RAB8B: variants seen among roughly 807,000 people sequenced by gnomAD.
RAB8B encodes the protein ras-related protein Rab-8B.
Under a neutral mutation model 32.0 loss-of-function variants are expected in RAB8B, and 11 were observed. The observed-to-expected ratio is 0.34, with a 90% CI of 0.22 to 0.57. The LOEUF is 0.57. Ranked by LOEUF, RAB8B falls within the 20% of genes least tolerant of loss-of-function variation. The pLI, the probability that RAB8B is intolerant of heterozygous loss-of-function variation, is 0.86. For synonymous variants in RAB8B, 103 were observed against 89.6 expected (o/e 1.15, Z -0.85); for missense variants, 190 against 258.5 (o/e 0.73, Z 1.82).
chr15:63,233,465 T>C (rs981611580), intron 1 of RAB8B, among the ~76,000 whole-genome samples: 2 of 152,230 alleles, frequency 1.3e-5, no homozygotes, highest in African/African-American at 4.8e-5. Flanking sequence ...ATGACTCATT[T>C]TTTATTTCAG....
chr15:63,259,620 T>G lies in RAB8B; in HGVS notation c.415-7T>G. The G allele has an allele frequency of 6.2e-7, 1 of 1,611,302 alleles. No homozygotes were observed. Among genetic ancestry groups the G allele is most frequent in the East Asian group, 2.2e-5 (1 of 44,860 alleles). ...GCTAAATTTAAATATTTCTGTTTAC[T>G]TTTCAGCTAGCAATTGACTATGGGA... On this transcript the variant is annotated splice_polypyrimidine_tract_variant and splice_region_variant and intron_variant, in intron 5 of 7. Coordinates refer to ENST00000321437, the MANE Select transcript of RAB8B (RefSeq NM_016530.3). The surrounding 1 kb of genome is among the most constrained non-coding windows in gnomAD (Gnocchi z 4.4).
At chr15:63,208,443 T>C (rs1201318036) in intron 1 of RAB8B, among the ~76,000 whole-genome samples, 1 of 152,210 alleles carries the variant, frequency 6.6e-6, no homozygotes, top group Non-Finnish European at 1.5e-5. Flanking sequence ...GAAAAAACGA[T>C]TGTAATAGAA....
At chr15:63,231,254 G>A (rs947377134) in intron 1 of RAB8B, among the ~76,000 whole-genome samples, 2 of 152,132 alleles carry the variant, frequency 1.3e-5, no homozygotes, top group Middle Eastern at 3.2e-3. Context: ...GTTGTACTAT[G>A]TAGTGTTATT....
intron 3 of RAB8B, among the ~76,000 whole-genome samples, chr15:63,250,977 C>G (rs537173660): frequency 1.3e-5 from 2 of 151,756 alleles, no homozygotes; most frequent in African/African-American, 4.8e-5. Context: ...ACCCACAGAT[C>G]CCCTCACTGA....
intron 2 of RAB8B, among the ~76,000 whole-genome samples, chr15:63,247,771 G>A (rs1263358197): frequency 2.0e-5 from 3 of 152,174 alleles, no homozygotes; most frequent in Non-Finnish European, 4.4e-5. Context: ...ATATCCCCCA[G>A]CTCTTCTTTT....
In RAB8B at chr15:63,251,401, A is replaced by G. The variant is rs182121773; in HGVS notation, c.246+1696A>G. The G allele has an allele frequency of 3.4e-5, 15 of 440,506 alleles. No individual in the cohort carries two copies. The East Asian group carries it at 5.7e-4, about 17-fold the overall frequency. The allele number at this position is 440,506 out of a possible 1,614,324, so 27.3% of individuals were successfully genotyped here. A position where few individuals can be genotyped will look rare whatever the true frequency, so the allele number is the denominator to read the frequency against. ...GCCTTTCTGTTGAGCAGTTTTTTGC[A>G]TGCTAGGAATGATGTGCTGACACCA... On this transcript the variant is annotated intron_variant, in intron 3 of 7. Coordinates refer to ENST00000321437, the MANE Select transcript of RAB8B (RefSeq NM_016530.3).
chr15:63,257,528 A>G (rs1400545088), intron 5 of RAB8B, among the ~76,000 whole-genome samples: 2 of 151,962 alleles, frequency 1.3e-5, no homozygotes, highest in Non-Finnish European at 2.9e-5. Context: ...CGGCCTCCCA[A>G]AGTGCTGGGA....
chr15:63,214,548 T>C (rs907640082), intron 1 of RAB8B, among the ~76,000 whole-genome samples: 1 of 152,020 alleles, frequency 6.6e-6, no homozygotes, highest in Admixed American at 6.5e-5. Context: ...CACCACGGCT[T>C]CTCACTTGAT....
At chr15:63,262,465 G>A (rs905488471) in intron 6 of RAB8B, among the ~76,000 whole-genome samples, 1 of 151,896 alleles carries the variant, frequency 6.6e-6, no homozygotes, top group Non-Finnish European at 1.5e-5. Flanking sequence ...GAAAAATTCT[G>A]TATTTCTGTT....
intron 1 of RAB8B, among the ~76,000 whole-genome samples, chr15:63,198,664 T>C (rs931469700): frequency 6.6e-6 from 1 of 152,204 alleles, no homozygotes; most frequent in African/African-American, 2.4e-5. Flanking sequence ...TTGCATATTT[T>C]GGTGAAGAAC....
intron 3 of RAB8B, chr15:63,251,428 T>C: frequency 5.0e-6 from 2 of 402,284 alleles, no homozygotes; most frequent in Non-Finnish European, 1.0e-5. Context: ...CTGACACCAT[T>C]TGCATGCTCA....
chr15:63,213,343 G>T (rs960652361), intron 1 of RAB8B, among the ~76,000 whole-genome samples: 2 of 152,186 alleles, frequency 1.3e-5, no homozygotes, highest in East Asian at 3.8e-4. Context: ...TAGGGGTGCT[G>T]TTATAATGTA....
chr15:63,202,781 GT>G (rs2037663901), intron 1 of RAB8B, among the ~76,000 whole-genome samples: 1 of 152,152 alleles, frequency 6.6e-6, no homozygotes, highest in Admixed American at 6.5e-5. Flanking sequence ...TAAAAACCTT[GT>G]TTGGCAAAGT....
At position 63,262,710 on chromosome 15, in the gene RAB8B, C is replaced by T. The variant is rs918077777; in HGVS notation, c.499C>T (p.Arg167Ter). The T allele has an allele frequency of 3.5e-6, 5 of 1,444,738 alleles. No individual in the cohort carries two copies. Among genetic ancestry groups the T allele is most frequent in the African/African-American group, 1.5e-5 (1 of 67,008 alleles). The allele number at this position is 1,444,738 out of a possible 1,614,324, so 89.5% of individuals were successfully genotyped here. The change falls in exon 7 of 8, where the codon CGA (arginine) becomes TGA (stop). Residue 167 changes from arginine (R) to a stop codon, truncating the protein, a stop_gained. Coordinates refer to ENST00000321437, the MANE Select transcript of RAB8B (RefSeq NM_016530.3). LOFTEE classifies it high-confidence loss of function. The stretch of plus-strand genomic sequence containing the variant: ...CCTATAGGCATTTTTTACACTTGCA[C>T]GAGATATAATGACAAAACTCAACAG... The part of the protein sequence containing the change: ...NVEEAFFTLA[R>*]DIMTKLNRKM...
chr15:63,256,425 T>C (rs1220629788), intron 4 of RAB8B, 80 bp from the exon 5 acceptor site: 2 of 998,078 alleles, frequency 2.0e-6, no homozygotes, highest in African/African-American at 3.3e-5. Context: ...AATTCATGTG[T>C]TTCTGACAGG....
chr15:63,197,465 C>T lies in RAB8B; in HGVS notation c.124+7717C>T, dbSNP rs1284389387. 2.0e-5 allele frequency among the ~76,000 whole-genome samples: 3 copies of T among 149,450 alleles called. No homozygotes were observed. The East Asian group carries it at 6.0e-4, about 30-fold the overall frequency. On this transcript the variant is annotated intron_variant, in intron 1 of 7. Transcript: ENST00000321437. ...CTCGGCTTGCTGCAACCTCCGCCTC[C>T]TGGTCTCAAGCAGTTCTCCTGCCTC...
intron 1 of RAB8B, among the ~76,000 whole-genome samples, chr15:63,238,791 T>C (rs1222488893): frequency 2.0e-5 from 3 of 152,186 alleles, no homozygotes; most frequent in Non-Finnish European, 4.4e-5. Context: ...ATTTAGAGAA[T>C]GGATTTAGAT....
intron 1 of RAB8B, among the ~76,000 whole-genome samples, chr15:63,211,440 T>C (rs1381195681): frequency 1.3e-5 from 2 of 152,230 alleles, no homozygotes; most frequent in Non-Finnish European, 2.9e-5. Context: ...CTCATTGAGA[T>C]TCTGGTTTAA....
At chr15:63,262,817 T>C in intron 7 of RAB8B, 75 bp downstream of exon 7, 1 of 635,082 alleles carries the variant, frequency 1.6e-6, no homozygotes, top group Non-Finnish European at 2.4e-6. Flanking sequence ...GGTCTAATTA[T>C]AAGATACTCA....
Sources: gnomAD v4.1 joint callset for allele counts (sites outside exome capture counted in the v4.1 genomes callset) on GRCh38, gnomAD v4.1.1 for gene constraint, Gnocchi (gnomAD v3.1) non-coding constraint, MANE v1.5 for transcripts, NCBI Gene and HGNC (gene_info 2026-07-23, HGNC 2026-07-21) for gene names.